The following ZNF385D variants were observed in gnomAD, a reference collection of about 807,000 sequenced individuals.
The protein encoded by ZNF385D is zinc finger protein 385D.
ZNF385D carries 15 observed loss-of-function variants against 35.8 expected under a neutral mutation model. The observed-to-expected ratio is 0.42, with a 90% CI of 0.28 to 0.64. The LOEUF is 0.64. ZNF385D is among the 30% of genes least tolerant of loss of function. The pLI is 0.23. For synonymous variants in ZNF385D, 212 were observed against 186.8 expected (o/e 1.13, Z -1.10); for missense variants, 474 against 494.6 (o/e 0.96, Z 0.39).
chr3:22,290,491 T>A (rs1447279890), intron 2 of ZNF385D, among the ~76,000 whole-genome samples: 2 of 152,176 alleles, frequency 1.3e-5, no homozygotes, highest in Non-Finnish European at 2.9e-5. Flanking sequence ...AGGATCTCTG[T>A]CACTCAAACA....
At chr3:21,875,802 A>T (rs370451966) in intron 3 of ZNF385D, among the ~76,000 whole-genome samples, 50 of 145,902 alleles carry the variant, frequency 3.4e-4, no homozygotes, top group African/African-American at 1.2e-3. Context: ...TTCCAGCTCT[A>T]TTTGTACAGC....
At chr3:21,438,202 C>G (rs1701669718) in intron 4 of ZNF385D, among the ~76,000 whole-genome samples, 1 of 152,160 alleles carries the variant, frequency 6.6e-6, no homozygotes, top group Non-Finnish European at 1.5e-5. Context: ...AAGCTCTACA[C>G]TCATATCCTA....
intron 3 of ZNF385D, among the ~76,000 whole-genome samples, chr3:21,783,797 T>C (rs530472911): frequency 2.0e-5 from 3 of 152,290 alleles, no homozygotes; most frequent in South Asian, 2.1e-4. Context: ...CTGATTTTTT[T>C]CCCTTTACAA....
intron 2 of ZNF385D, among the ~76,000 whole-genome samples, chr3:21,575,476 T>C (rs575142656): frequency 6.6e-6 from 1 of 152,202 alleles, no homozygotes; most frequent in South Asian, 2.1e-4. Context: ...ATAACATGTA[T>C]AAGTCGCATA....
At position 21,619,505 on chromosome 3, in the gene ZNF385D, T is replaced by A. The variant is rs563214331; in HGVS notation, c.165+45381A>T. On this transcript the variant is annotated intron_variant, in intron 2 of 7. Coordinates refer to ENST00000281523, the MANE Select transcript of ZNF385D (RefSeq NM_024697.3). The stretch of plus-strand genomic sequence containing the variant: ...CTAGGTATGTCTGTAGTCTTTACTT[T>A]CTAAATTCATAACCCATTATCCAAC... Among the ~76,000 whole-genome samples the A allele has an allele frequency of 2.6e-5, 4 of 152,204 alleles. No individual in the cohort carries two copies. The South Asian group carries it at 8.3e-4, about 32-fold the overall frequency.
intron 3 of ZNF385D, among the ~76,000 whole-genome samples, chr3:22,160,837 C>T (rs973299465): frequency 3.9e-5 from 6 of 152,062 alleles, no homozygotes; most frequent in African/African-American, 9.7e-5. Flanking sequence ...AAAGCTGACA[C>T]GGTAGGTCAA....
intron 1 of ZNF385D, among the ~76,000 whole-genome samples, chr3:21,713,693 G>T (rs1323795265): frequency 6.6e-6 from 1 of 152,108 alleles, no homozygotes; most frequent in African/African-American, 2.4e-5. Flanking sequence ...CATATGTCCA[G>T]TTCACTGGAG....
intron 5 of ZNF385D, among the ~76,000 whole-genome samples, chr3:21,427,178 A>T (rs1482922771): frequency 6.6e-6 from 1 of 152,170 alleles, no homozygotes; most frequent in East Asian, 1.9e-4. Context: ...TGAAGATGAC[A>T]TAAGTGGGAG....
chr3:22,322,869 A>G (rs1694505646), intron 2 of ZNF385D, among the ~76,000 whole-genome samples: 1 of 152,046 alleles, frequency 6.6e-6, no homozygotes, highest in South Asian at 2.1e-4. Flanking sequence ...ACTTTTTATC[A>G]TTTTTAATCA....
At chr3:21,874,006 C>T (rs936146674) in intron 3 of ZNF385D, among the ~76,000 whole-genome samples, 1 of 150,208 alleles carries the variant, frequency 6.7e-6, no homozygotes, top group Non-Finnish European at 1.5e-5. Context: ...TATAAATACC[C>T]AGAATTAGAA....
intron 2 of ZNF385D, among the ~76,000 whole-genome samples, chr3:22,232,839 C>A (rs532510650): frequency 2.0e-5 from 3 of 152,306 alleles, no homozygotes; most frequent in African/African-American, 7.2e-5. Flanking sequence ...TTTACATTTT[C>A]TCTACTGTCT....
intron 1 of ZNF385D, among the ~76,000 whole-genome samples, chr3:21,670,355 T>C (rs2066528414): frequency 6.6e-6 from 1 of 151,858 alleles, no homozygotes. Flanking sequence ...ATTACTAAAC[T>C]CCTCCAAACA....
At chr3:22,290,574 C>A (rs905863435) in intron 2 of ZNF385D, among the ~76,000 whole-genome samples, 3 of 152,154 alleles carry the variant, frequency 2.0e-5, no homozygotes, top group Non-Finnish European at 4.4e-5. Context: ...TGTGCAGTAT[C>A]CTGCCTAGGC....
At chr3:21,764,129 GA>G (rs548596070) in intron 3 of ZNF385D, among the ~76,000 whole-genome samples, 178 of 152,280 alleles carry the variant, frequency 1.2e-3, no homozygotes, top group African/African-American at 4.2e-3. Flanking sequence ...GAACGCGGTT[GA>G]TTTGAGATTC....
intron 3 of ZNF385D, among the ~76,000 whole-genome samples, chr3:21,808,728 A>C (rs2072767712): frequency 6.6e-6 from 1 of 152,180 alleles, no homozygotes; most frequent in Admixed American, 6.5e-5. Context: ...CTGAATGAAG[A>C]AATGTTTTAA....
At chr3:21,687,792 C>G (rs1004331523) in intron 1 of ZNF385D, among the ~76,000 whole-genome samples, 24 of 152,238 alleles carry the variant, frequency 1.6e-4, no homozygotes, top group African/African-American at 5.8e-4. Context: ...ACCGATGATT[C>G]ACCAGTGATG....
intron 3 of ZNF385D, among the ~76,000 whole-genome samples, chr3:22,134,713 G>C (rs1704001929): frequency 6.6e-6 from 1 of 152,178 alleles, no homozygotes; most frequent in Admixed American, 6.5e-5. Flanking sequence ...CACAGCACTA[G>C]AGGCTGAGAA....
chr3:22,364,661 T>C (rs1482940126), intron 2 of ZNF385D, among the ~76,000 whole-genome samples: 6 of 152,150 alleles, frequency 3.9e-5, no homozygotes, highest in African/African-American at 1.4e-4. Flanking sequence ...ATATAAAATG[T>C]ACAGCCACTG....
intron 3 of ZNF385D, among the ~76,000 whole-genome samples, chr3:22,087,007 C>A (rs796742075): frequency 1.3e-5 from 2 of 152,002 alleles, no homozygotes; most frequent in African/African-American, 4.8e-5. Context: ...GGGTGCAGGA[C>A]GCCAACATGG....
Sources: gnomAD v4.1 joint callset for allele counts (sites outside exome capture counted in the v4.1 genomes callset) on GRCh38, gnomAD v4.1.1 for gene constraint, MANE v1.5 for transcripts, NCBI Gene and HGNC (gene_info 2026-07-23, HGNC 2026-07-21) for gene names.